The following TBC1D20 variants were observed in gnomAD, a reference collection of about 807,000 sequenced individuals.
TBC1D20 encodes the protein TBC1 domain family member 20.
A neutral mutation model predicts 41.6 loss-of-function variants in TBC1D20; 12 were observed. The observed-to-expected ratio is 0.29, with a 90% confidence interval of 0.18 to 0.47. TBC1D20 has a LOEUF of 0.47. Ranked by LOEUF, TBC1D20 falls within the 20% of genes least tolerant of loss-of-function variation. The pLI is 1.00. For missense variants in TBC1D20, 421 were observed against 517.4 expected (o/e 0.81, Z 1.81); for synonymous variants, 205 against 204.8 (o/e 1.00, Z -0.01).
chr20:441,880 T>C lies in TBC1D20; in HGVS notation c.501A>G (p.Glu167=). Residue 167 remains glutamate, a synonymous_variant, in exon 4 of 8, where the codon GAA becomes GAG. Coordinates refer to ENST00000354200, the MANE Select transcript of TBC1D20 (RefSeq NM_144628.4). The part of the protein sequence containing the change: ...VGERLATSLV[E]KLSTHHLRDF... ...ACCTGAGGTGGTGGGTAGATAATTT[T>C]TCTACCAGGGATGTTGCCAGCCTCT... 2 of 1,614,038 alleles carry C rather than the reference T, an allele frequency of 1.2e-6. No homozygotes were observed. The highest frequency in any genetic ancestry group is 1.1e-5 in the South Asian group (1 of 91,068).
At chr20:450,219 GC>G (rs2017420017) in intron 1 of TBC1D20, among the ~76,000 whole-genome samples, 1 of 151,336 alleles carries the variant, frequency 6.6e-6, no homozygotes, top group African/African-American at 2.4e-5. Flanking sequence ...CGCGATCTCA[GC>G]TCACTGCAAC....
chr20:439,231 A>C lies in TBC1D20; in HGVS notation c.833T>G (p.Leu278Arg). The C allele has an allele frequency of 1.2e-6, 2 of 1,614,180 alleles. No homozygotes were observed. The highest frequency in any genetic ancestry group is 1.7e-6 in the Non-Finnish European group (2 of 1,180,020). The change falls in exon 7 of 8, where the codon CTG (leucine) becomes CGG (arginine). Residue 278 changes from leucine to arginine, a missense_variant. By Grantham distance (102) the Leu-to-Arg change is moderately radical. This residue lies in a region of TBC1D20 where 161 missense variants were observed against 182.7 expected (regional missense o/e 0.88). Transcript: ENST00000354200. The surrounding 1 kb of genome is among the most constrained non-coding windows in gnomAD (Gnocchi z 4.6). ...CDCDMASVHH[L>R]LSQIPQDLPY... ...CAAGTCCTGAGGGATCTGGGACAAC[A>C]GGTGGTGGACCGAGGCCATGTCACA...
intron 1 of TBC1D20, among the ~76,000 whole-genome samples, chr20:449,449 G>A (rs2017403433): frequency 6.6e-6 from 1 of 151,566 alleles, no homozygotes; most frequent in East Asian, 2.0e-4. Context: ...ACAAAAATTA[G>A]CCAGGCGTGG....
intron 1 of TBC1D20, among the ~76,000 whole-genome samples, chr20:457,171 G>C (rs1298552510): frequency 6.6e-6 from 1 of 151,988 alleles, no homozygotes; most frequent in Admixed American, 6.6e-5. Flanking sequence ...CCCCACCTCA[G>C]GTGATCCGCC....
intron 3 of TBC1D20, among the ~76,000 whole-genome samples, chr20:442,471 T>C (rs2017254362): frequency 6.6e-6 from 1 of 152,132 alleles, no homozygotes; most frequent in Non-Finnish European, 1.5e-5. Flanking sequence ...TCTCATACAA[T>C]ACAAAGGAAC....
At chr20:462,056 A>G (rs2017640938) in intron 1 of TBC1D20, among the ~76,000 whole-genome samples, 1 of 152,156 alleles carries the variant, frequency 6.6e-6, no homozygotes, top group Admixed American at 6.5e-5. Context: ...GATGGAAGAA[A>G]GCCGGGGCGC....
At chr20:449,390 T>C (rs950294565) in intron 1 of TBC1D20, among the ~76,000 whole-genome samples, 1 of 147,570 alleles carries the variant, frequency 6.8e-6, no homozygotes, top group African/African-American at 2.5e-5. Flanking sequence ...AGGTCAGGAG[T>C]TCGAGACCAG....
chr20:456,421 T>C (rs192789901), intron 1 of TBC1D20, among the ~76,000 whole-genome samples: 23 of 152,328 alleles, frequency 1.5e-4, no homozygotes, highest in African/African-American at 5.5e-4. Context: ...GGGTGTCTAC[T>C]TGTACTAAGC....
At chr20:441,763 T>G in intron 4 of TBC1D20, 74 bp from the exon 5 acceptor site, 6 of 1,595,590 alleles carry the variant, frequency 3.8e-6, no homozygotes, top group Non-Finnish European at 5.2e-6. Context: ...GGGCTCAAAC[T>G]CCTAAAAAAG....
intron 1 of TBC1D20, among the ~76,000 whole-genome samples, chr20:453,339 C>A (rs73602115): frequency 1.5e-4 from 23 of 148,976 alleles, no homozygotes; most frequent in Non-Finnish European, 2.5e-4. Flanking sequence ...CCGGGCGTGG[C>A]GGCGCATGCC....
Position 437,664 on chromosome 20 carries a change from A to C in TBC1D20, c.*922T>G, listed in dbSNP as rs1287283447. ...AACCGGTCAGAAAGTGGCACTTTGGAAGTGGAAAGCTGTTTGCAAATAGCA... is the reference window on the plus strand; with the variant it reads ...AACCGGTCAGAAAGTGGCACTTTGGCAGTGGAAAGCTGTTTGCAAATAGCA... On this transcript the variant is annotated 3_prime_UTR_variant, in exon 8 of 8. Transcript: ENST00000354200. 6.5e-6 allele frequency: 1 copy of C among 153,526 alleles called. No individual in the cohort carries two copies. The highest frequency in any genetic ancestry group is 1.5e-5 in the Non-Finnish European group (1 of 68,046). 9.5% of individuals were successfully genotyped at this position (153,526 alleles called of 1,614,324 possible).
At chr20:462,192 T>A in intron 1 of TBC1D20, 144 bp downstream of exon 1, 3 of 253,904 alleles carry the variant, frequency 1.2e-5, no homozygotes, top group East Asian at 1.5e-4. Flanking sequence ...CCCTGGGCCC[T>A]CAGCCTGTTC....
At position 438,858 on chromosome 20, in the gene TBC1D20, CG is replaced by C. The variant is rs1425922575; in HGVS notation, c.957-18del. The C allele has an allele frequency of 6.2e-7, 1 of 1,609,628 alleles. No individual in the cohort carries two copies. Among genetic ancestry groups the C allele is most frequent in the African/African-American group, 1.3e-5 (1 of 74,756 alleles). The stretch of plus-strand genomic sequence containing the variant: ...GCTGCCGTCCTGCAGGGGAAAGAGA[CG>C]GAAGGAAGGAAGTGGTATGAAAGAG... On this transcript the variant is annotated intron_variant, in intron 7 of 7. Transcript: ENST00000354200.
chr20:449,187 T>C (rs1600336509), intron 1 of TBC1D20, among the ~76,000 whole-genome samples: 1 of 103,352 alleles, frequency 9.7e-6, no homozygotes, highest in South Asian at 4.1e-4. Context: ...GGACTCTTGC[T>C]CTGTCGCCAG....
chr20:440,247 C>T lies in TBC1D20; in HGVS notation c.768+1G>A. On this transcript the variant is annotated splice_donor_variant, in intron 6 of 7. Transcript: ENST00000354200. LOFTEE classifies it high-confidence loss of function. ...GCTGCTGGCTCGTGGCCTGTACCTA[C>T]CACGGCTGCAAAGTAAATCGGCATC... 1 of 1,611,684 alleles carries T rather than the reference C, an allele frequency of 6.2e-7. No homozygotes were observed. Among genetic ancestry groups the T allele is most frequent in the Non-Finnish European group, 8.5e-7 (1 of 1,178,984 alleles).
chr20:436,209 G>A lies in TBC1D20; in HGVS notation c.*2377C>T, dbSNP rs2017115427. 6.6e-6 allele frequency: 1 copy of A among 152,230 alleles called. No homozygotes were observed. Among genetic ancestry groups the A allele is most frequent in the South Asian group, 2.1e-4 (1 of 4,834 alleles). The allele number at this position is 152,230 out of a possible 1,614,324, so 9.4% of individuals were successfully genotyped here. A position where few individuals can be genotyped will look rare whatever the true frequency, so the allele number is the denominator to read the frequency against. ...CATGGCACAGTTCTGGGCCTGACATGGAAGGTGGGAGCATCCAGATCAGAG... is the reference window on the plus strand; with the variant it reads ...CATGGCACAGTTCTGGGCCTGACATAGAAGGTGGGAGCATCCAGATCAGAG... On this transcript the variant is annotated 3_prime_UTR_variant, in exon 8 of 8. Coordinates refer to ENST00000354200, the MANE Select transcript of TBC1D20 (RefSeq NM_144628.4).
chr20:442,961 G>A (rs1209921996), intron 3 of TBC1D20, among the ~76,000 whole-genome samples: 1 of 152,102 alleles, frequency 6.6e-6, no homozygotes, highest in Non-Finnish European at 1.5e-5. Context: ...TTAGCTGGGC[G>A]TGGTGGCAGG....
At chr20:458,646 TTTAC>T (rs761717301) in intron 1 of TBC1D20, among the ~76,000 whole-genome samples, 68 of 152,250 alleles carry the variant, frequency 4.5e-4, no homozygotes, top group African/African-American at 1.3e-3. Context: ...CATTTCAAAA[TTTAC>T]TTACTATTTC....
chr20:451,267 G>A (rs961344534), intron 1 of TBC1D20, among the ~76,000 whole-genome samples: 8 of 152,236 alleles, frequency 5.3e-5, no homozygotes, highest in Admixed American at 2.6e-4. Context: ...ATTCTTGGCC[G>A]GGGACGGTGG....
Sources: allele counts gnomAD v4.1 joint callset (sites outside exome capture counted in the v4.1 genomes callset), GRCh38; gene constraint gnomAD v4.1.1; regional missense constraint gnomAD v4.1.1; non-coding constraint Gnocchi (gnomAD v3.1); transcripts MANE v1.5; gene names NCBI Gene and HGNC (gene_info 2026-07-23, HGNC 2026-07-21).